The following ODAPH variants were observed in gnomAD, a reference collection of about 807,000 sequenced individuals.
ODAPH encodes the protein amelogenesis imperfecta type IIA4.
A neutral mutation model predicts 2.8 loss-of-function variants in ODAPH; 2 were observed. The observed-to-expected ratio is 0.72, with a 90% CI of 0.30 to 2.28. ODAPH has a LOEUF of 2.28. Ranked by LOEUF, ODAPH falls within the 30% of genes most tolerant of loss-of-function variation. ODAPH has a pLI of 0.13. For synonymous variants in ODAPH, 75 were observed against 60.3 expected, an observed-to-expected ratio of 1.24 and a Z score of -1.13; for missense variants, 159 against 163.3, an observed-to-expected ratio of 0.97 and a Z score of 0.14.
At chr4:75,562,013 C>A (rs1727596549) in intron 1 of ODAPH, among the ~76,000 whole-genome samples, 1 of 152,140 alleles carries the variant, frequency 6.6e-6, no homozygotes, top group Non-Finnish European at 1.5e-5. Flanking sequence ...ACCTGACACT[C>A]CAGCCCCTGC....
chr4:75,556,187 A>AG, intron 1 of ODAPH, 38 bp downstream of exon 1: 6 of 1,591,626 alleles, frequency 3.8e-6, no homozygotes, highest in Non-Finnish European at 5.2e-6. Flanking sequence ...GGGTCCACTA[A>AG]TTAATAAGTT....
intron 1 of ODAPH, among the ~76,000 whole-genome samples, chr4:75,561,064 T>TA (rs1315191929): frequency 1.3e-5 from 2 of 151,206 alleles, no homozygotes; most frequent in South Asian, 2.1e-4. Flanking sequence ...AAAAGTATTT[T>TA]AAAAAAAGAA....
intron 1 of ODAPH, among the ~76,000 whole-genome samples, chr4:75,556,956 G>C (rs1282011772): frequency 1.3e-5 from 2 of 152,136 alleles, no homozygotes; most frequent in Non-Finnish European, 2.9e-5. Flanking sequence ...CATGTCTTGG[G>C]TAGGGGGCTT....
intron 1 of ODAPH, chr4:75,556,511 C>A: frequency 6.6e-7 from 1 of 1,526,492 alleles, no homozygotes; most frequent in Non-Finnish European, 8.8e-7. Flanking sequence ...ATTATGGTTA[C>A]AAAGCTAACA....
chr4:75,561,034 G>A (rs1000288026), intron 1 of ODAPH, among the ~76,000 whole-genome samples: 6 of 151,972 alleles, frequency 3.9e-5, no homozygotes, highest in Admixed American at 2.6e-4. Context: ...TGGCTAACAC[G>A]GTGAAACCTC....
chr4:75,556,713 TTC>T, intron 1 of ODAPH: 1 of 712,074 alleles, frequency 1.4e-6, no homozygotes, highest in Admixed American at 2.4e-5. Context: ...ACTGTTCCTA[TTC>T]TCTTTCTTTG....
intron 1 of ODAPH, among the ~76,000 whole-genome samples, chr4:75,558,600 T>C (rs1727439191): frequency 6.6e-6 from 1 of 152,178 alleles, no homozygotes; most frequent in South Asian, 2.1e-4. Context: ...GAATTTCATG[T>C]CTAGACTATA....
chr4:75,564,195 C>G lies in ODAPH; in HGVS notation c.149C>G (p.Pro50Arg), dbSNP rs1727714718. The G allele has an allele frequency of 6.2e-7, 1 of 1,614,228 alleles. No individual in the cohort carries two copies. The highest frequency in any genetic ancestry group is 8.5e-7 in the Non-Finnish European group (1 of 1,180,034). ...ATDCQIFTLT[P>R]PPAPRSPVTR... ...GACTGCCAGATCTTTACACTCACCCCTCCACCTGCCCCGAGGAGTCCGGTC... is the reference window on the plus strand; with the variant it reads ...GACTGCCAGATCTTTACACTCACCCGTCCACCTGCCCCGAGGAGTCCGGTC... Residue 50 changes from proline to arginine, a missense_variant, in exon 2 of 2, where the codon CCT becomes CGT. Physicochemically the swap from Pro to Arg is moderately radical, Grantham distance 103. Transcript: ENST00000311623.
intron 1 of ODAPH, among the ~76,000 whole-genome samples, chr4:75,557,005 ATTCCCCG>A (rs1727361310): frequency 1.3e-5 from 2 of 152,116 alleles, no homozygotes; most frequent in African/African-American, 4.8e-5. Context: ...CCCCAGACAG[ATTCCCCG>A]TTCCCATCCC....
At chr4:75,560,760 A>G (rs1311535462) in intron 1 of ODAPH, among the ~76,000 whole-genome samples, 2 of 151,960 alleles carry the variant, frequency 1.3e-5, no homozygotes, top group Non-Finnish European at 2.9e-5. Flanking sequence ...CCCAATTGTT[A>G]GAGGAGGATT....
In ODAPH at chr4:75,564,400, A is replaced by C; in HGVS notation, c.354A>C (p.Arg118Ser). ...HRYLTYRYFP[R>S]RRLQRGSSSE... ...ACCTTACTTATAGGTATTTCCCCAGAAGAAGACTCCAGAGAGGAAGCTCAT... is the reference window on the plus strand; with the variant it reads ...ACCTTACTTATAGGTATTTCCCCAGCAGAAGACTCCAGAGAGGAAGCTCAT... The change falls in exon 2 of 2, where the codon AGA (arginine) becomes AGC (serine). Residue 118 changes from arginine to serine, a missense_variant. Coordinates refer to ENST00000311623, the MANE Select transcript of ODAPH (RefSeq NM_178497.5). The C allele has an allele frequency of 1.9e-6, 3 of 1,614,174 alleles. No individual in the cohort carries two copies. The highest frequency in any genetic ancestry group is 2.5e-6 in the Non-Finnish European group (3 of 1,180,034).
At chr4:75,562,154 G>A (rs116040599) in intron 1 of ODAPH, among the ~76,000 whole-genome samples, 99 of 152,222 alleles carry the variant, frequency 6.5e-4, no homozygotes, top group African/African-American at 2.3e-3. Flanking sequence ...AAGGTGCGTA[G>A]GACTGACAAC....
At chr4:75,556,701 C>A in intron 1 of ODAPH, 1 of 751,800 alleles carries the variant, frequency 1.3e-6, no homozygotes, top group South Asian at 1.6e-5. Context: ...TTCCATTTCT[C>A]AACTGTTCCT....
At chr4:75,565,465 T>A (rs116480301), downstream of ODAPH, 798 of 152,296 alleles carry the variant, frequency 5.2e-3, 4 homozygotes, top group African/African-American at 0.018. Flanking sequence ...AGGTTCAAAA[T>A]GCCTGATTAA....
In ODAPH at chr4:75,564,640, T is replaced by C; in HGVS notation, c.*201T>C. On this transcript the variant is annotated 3_prime_UTR_variant, in exon 2 of 2. Coordinates refer to ENST00000311623, the MANE Select transcript of ODAPH (RefSeq NM_178497.5). ...CATAGGTTATTGATGGTTGCAAAAT[T>C]GGACAATAACCACGTTATTTTTATC... 3 of 1,138,864 alleles carry C rather than the reference T, an allele frequency of 2.6e-6. No homozygotes were observed. Among genetic ancestry groups the C allele is most frequent in the Non-Finnish European group, 3.7e-6 (3 of 821,314 alleles). The allele number at this position is 1,138,864 out of a possible 1,614,324, so 70.5% of individuals were successfully genotyped here. A position where few individuals can be genotyped will look rare whatever the true frequency, so the allele number is the denominator to read the frequency against.
chr4:75,561,156 G>A (rs1014237175), intron 1 of ODAPH, among the ~76,000 whole-genome samples: 4 of 150,130 alleles, frequency 2.7e-5, no homozygotes, highest in African/African-American at 7.4e-5. Flanking sequence ...CCCGGGAGGC[G>A]GAGCTTGCAG....
intron 1 of ODAPH, chr4:75,556,405 A>C: frequency 2.7e-6 from 2 of 744,096 alleles, no homozygotes; most frequent in Non-Finnish European, 4.5e-6. Context: ...AAGTGACAAC[A>C]TTAACAATAT....
downstream of ODAPH, chr4:75,565,295 G>A (rs1197134119): frequency 6.6e-6 from 1 of 152,068 alleles, no homozygotes; most frequent in Non-Finnish European, 1.5e-5. Flanking sequence ...ACTGCGCCCA[G>A]CCCCAAATAA....
intron 1 of ODAPH, among the ~76,000 whole-genome samples, chr4:75,558,805 C>A (rs1476135064): frequency 6.6e-6 from 1 of 152,178 alleles, no homozygotes; most frequent in African/African-American, 2.4e-5. Flanking sequence ...AGATGATTCT[C>A]CTGCCTCAGC....
Sources: allele counts gnomAD v4.1 joint callset (sites outside exome capture counted in the v4.1 genomes callset), GRCh38; gene constraint gnomAD v4.1.1; transcripts MANE v1.5; gene names NCBI Gene and HGNC (gene_info 2026-07-23, HGNC 2026-07-21).